The following CHD6 variants were observed in gnomAD, a reference collection of about 807,000 sequenced individuals.
The protein encoded by CHD6 is ATP-dependent chromatin remodeler CHD6.
CHD6 carries 50 observed loss-of-function variants against 276.9 expected under a neutral mutation model. The observed-to-expected ratio is 0.18, with a 90% CI of 0.14 to 0.23. The LOEUF (loss-of-function observed/expected upper bound fraction) is 0.23, where lower values mean the gene tolerates loss of function less well. CHD6 is among the 10% of genes least tolerant of loss of function. The pLI is 1.00. For missense variants in CHD6, 2,564 were observed against 3,365.8 expected (o/e 0.76, Z 5.89); for synonymous variants, 1,173 against 1,229.3 (o/e 0.95, Z 0.96).
intron 1 of CHD6, among the ~76,000 whole-genome samples, chr20:41,586,519 C>G (rs954174998): frequency 1.3e-5 from 2 of 152,226 alleles, no homozygotes; most frequent in Admixed American, 1.3e-4. Context: ...TCCTTAGAAT[C>G]TGTGAGGCCA....
At position 41,541,180 on chromosome 20, in the gene CHD6, T is replaced by C. The variant is rs532535280; in HGVS notation, c.34-7610A>G. On this transcript the variant is annotated intron_variant, in intron 2 of 36. Transcript: ENST00000373233. ...ATGTCTGTCCGATTGTGCATTTGTATGTCTCTTTCTCTCTTTCTTTTTCTG... is the reference window on the plus strand; with the variant it reads ...ATGTCTGTCCGATTGTGCATTTGTACGTCTCTTTCTCTCTTTCTTTTTCTG... Among the ~76,000 whole-genome samples, 5 of 152,326 alleles carry C rather than the reference T, an allele frequency of 3.3e-5. No homozygotes were observed. The South Asian group carries it at 8.3e-4, about 25-fold the overall frequency.
intron 3 of CHD6, among the ~76,000 whole-genome samples, chr20:41,524,998 G>T (rs1007224911): frequency 6.6e-6 from 1 of 151,996 alleles, no homozygotes; most frequent in Non-Finnish European, 1.5e-5. Flanking sequence ...TACGGTCTTG[G>T]GGTCTTCAGT....
intron 12 of CHD6, among the ~76,000 whole-genome samples, chr20:41,489,307 C>T (rs1007708718): frequency 1.3e-5 from 2 of 152,114 alleles, no homozygotes; most frequent in East Asian, 3.9e-4. Flanking sequence ...TAAGTGACAG[C>T]ACTTAAAAAC....
intron 2 of CHD6, among the ~76,000 whole-genome samples, chr20:41,536,281 A>T (rs2044828038): frequency 6.6e-6 from 1 of 152,234 alleles, no homozygotes; most frequent in African/African-American, 2.4e-5. Context: ...GGAAAACAGG[A>T]ATGAAATGGA....
At chr20:41,431,064 A>G (rs1600841170) in intron 27 of CHD6, among the ~76,000 whole-genome samples, 1 of 151,824 alleles carries the variant, frequency 6.6e-6, no homozygotes, top group Non-Finnish European at 1.5e-5. Context: ...CGAACTTCTG[A>G]CCTCGTGATC....
At chr20:41,617,329 C>A (rs1319128744) in intron 1 of CHD6, among the ~76,000 whole-genome samples, 2 of 152,176 alleles carry the variant, frequency 1.3e-5, no homozygotes, top group Non-Finnish European at 2.9e-5. Flanking sequence ...TCCCACACGA[C>A]TGAAACCACA....
chr20:41,477,057 T>C (rs958445000), intron 16 of CHD6, among the ~76,000 whole-genome samples: 1 of 151,838 alleles, frequency 6.6e-6, no homozygotes, highest in Non-Finnish European at 1.5e-5. Context: ...GGCAACATAG[T>C]GGGACCTCAC....
chr20:41,408,279 G>A (rs2046739667), intron 36 of CHD6, among the ~76,000 whole-genome samples: 1 of 152,014 alleles, frequency 6.6e-6, no homozygotes, highest in African/African-American at 2.4e-5. Context: ...GAGAACACAG[G>A]CCCTGTGGTT....
At chr20:41,483,652 G>C in intron 15 of CHD6, 133 bp from the exon 16 acceptor site, 2 of 657,256 alleles carry the variant, frequency 3.0e-6, no homozygotes, top group South Asian at 4.0e-5. Flanking sequence ...GGAGATGCTG[G>C]GTGCACTCTT....
rs2046630277 is a variant in CHD6 at position 41,405,049 on chromosome 20, C to G, written c.7692G>C (p.Val2564=). ...GCTTGTCTTCCGCAGTCTTTTCAGTCACTGCCGTACCACTTTTCGTTGTGC... is the reference window on the plus strand; with the variant it reads ...GCTTGTCTTCCGCAGTCTTTTCAGTGACTGCCGTACCACTTTTCGTTGTGC... The part of the protein sequence containing the change: ...LSSTTKSGTA[V]TEKTAEDKPS... Residue 2564 remains valine (V), a synonymous_variant, in exon 37 of 37, where the codon GTG becomes GTC. Transcript: ENST00000373233. 6.2e-7 allele frequency: 1 copy of G among 1,614,218 alleles called. No individual in the cohort carries two copies. The highest frequency in any genetic ancestry group is 8.5e-7 in the Non-Finnish European group (1 of 1,180,050).
chr20:41,420,510 T>C lies in CHD6; in HGVS notation c.6125A>G (p.Gln2042Arg), dbSNP rs1373313437. 1.2e-6 allele frequency: 2 copies of C among 1,607,658 alleles called. No individual in the cohort carries two copies. The highest frequency in any genetic ancestry group is 1.7e-6 in the Non-Finnish European group (2 of 1,178,354). Reference protein sequence around the residue: ...DYDRDGNCHSQDYPGKYSEEE... With the variant: ...DYDRDGNCHSRDYPGKYSEEE... ...CCACAAGATCCTACATACTGTACCTTGACTATGGCAGTTTCCGTCTCTATC... is the reference window on the plus strand; with the variant it reads ...CCACAAGATCCTACATACTGTACCTCGACTATGGCAGTTTCCGTCTCTATC... The change falls in exon 31 of 37, where the codon CAA becomes CGA. Residue 2042 changes from glutamine (Q) to arginine (R), a missense_variant and splice_region_variant. Gln to Arg is a conservative substitution (Grantham distance 43, BLOSUM62 1). Transcript: ENST00000373233.
In CHD6 at chr20:41,403,693, T is replaced by C. The variant is rs1373161821; in HGVS notation, c.*900A>G. On this transcript the variant is annotated 3_prime_UTR_variant, in exon 37 of 37. Transcript: ENST00000373233. ...GGTGAAGGAAAGCCTGAAGTGAAAA[T>C]CCATTCGGTCCTGGTGCTCTTTAAA... 2.2e-5 allele frequency: 23 copies of C among 1,058,358 alleles called. No individual in the cohort carries two copies. The highest frequency in any genetic ancestry group is 4.2e-4 in the Middle Eastern group (1 of 2,378). 65.6% of individuals were successfully genotyped at this position (1,058,358 alleles called of 1,614,324 possible).
intron 3 of CHD6, among the ~76,000 whole-genome samples, chr20:41,525,848 G>T (rs1281011734): frequency 6.6e-6 from 1 of 152,072 alleles, no homozygotes; most frequent in African/African-American, 2.4e-5. Context: ...AGTTATATCA[G>T]GTTTTTCATT....
At chr20:41,587,864 T>G (rs1482760325) in intron 1 of CHD6, among the ~76,000 whole-genome samples, 1 of 151,808 alleles carries the variant, frequency 6.6e-6, no homozygotes, top group African/African-American at 2.4e-5. Context: ...CTGGGCAAAA[T>G]AGACTCTCTC....
chr20:41,554,014 G>C lies in CHD6; in HGVS notation c.-23-2654C>G, dbSNP rs1239509575. On this transcript the variant is annotated intron_variant, in intron 1 of 36. Coordinates refer to ENST00000373233, the MANE Select transcript of CHD6 (RefSeq NM_032221.5). ...AAAATACAAAAATTAGCCAGGTGTG[G>C]TGGCTTCCACCTATGGTCCCAGCTA... is the stretch of plus-strand genomic sequence containing the variant. 3.3e-5 allele frequency among the ~76,000 whole-genome samples: 5 copies of C among 152,120 alleles called. No homozygotes were observed. In the East Asian group the frequency reaches 7.7e-4, roughly 23 times the overall value.
intron 1 of CHD6, among the ~76,000 whole-genome samples, chr20:41,574,188 G>C (rs1296285841): frequency 6.6e-6 from 1 of 152,032 alleles, no homozygotes; most frequent in Non-Finnish European, 1.5e-5. Context: ...TGGGGAGAGG[G>C]AGAGGCAAAC....
In CHD6 at chr20:41,404,106, T is replaced by TAA. The variant is rs935217853; in HGVS notation, c.*486_*487insTT. ...TAGTAATCATGATAAAATAGGGAAA[T>TAA]ATTTTAACTCAAAAATATGCACCAG... is the stretch of plus-strand genomic sequence containing the variant. On this transcript the variant is annotated 3_prime_UTR_variant, in exon 37 of 37. Transcript: ENST00000373233. 7 of 1,052,816 alleles carry TAA rather than the reference T, an allele frequency of 6.6e-6. 1 individual carries two copies. The African/African-American group carries it at 1.2e-4, about 17-fold the overall frequency. The allele number at this position is 1,052,816 out of a possible 1,614,324, so 65.2% of individuals were successfully genotyped here.
chr20:41,594,884 C>T (rs1031737938), intron 1 of CHD6, among the ~76,000 whole-genome samples: 3 of 152,238 alleles, frequency 2.0e-5, no homozygotes, highest in Non-Finnish European at 4.4e-5. Flanking sequence ...AAAACCCCTG[C>T]CCTACCCTGC....
At chr20:41,585,445 T>C (rs974900503) in intron 1 of CHD6, among the ~76,000 whole-genome samples, 5 of 148,712 alleles carry the variant, frequency 3.4e-5, no homozygotes, top group Non-Finnish European at 5.9e-5. Context: ...AGCCAAGAGG[T>C]TGCAGTGAGC....
Sources: gnomAD v4.1 joint callset for allele counts (sites outside exome capture counted in the v4.1 genomes callset) on GRCh38, gnomAD v4.1.1 for gene constraint, MANE v1.5 for transcripts, NCBI Gene and HGNC (gene_info 2026-07-23, HGNC 2026-07-21) for gene names.